Variants in RAB11FIP2 observed in about 807,000 individuals in gnomAD.
The protein encoded by RAB11FIP2 is RAB11 family interacting protein 2.
In RAB11FIP2, 16 loss-of-function variants were observed where a neutral mutation model predicts 40.9. The ratio of observed to expected loss-of-function variants is 0.39; its 90% CI spans 0.26 to 0.59. The LOEUF (loss-of-function observed/expected upper bound fraction) is 0.59, where lower values mean the gene tolerates loss of function less well. Among genes scored for constraint, RAB11FIP2 ranks in the 20% least tolerant of loss-of-function variants. The pLI, the probability that RAB11FIP2 is intolerant of heterozygous loss-of-function variation, is 0.53. For missense variants in RAB11FIP2, 532 were observed against 606.2 expected (o/e 0.88, Z 1.28); for synonymous variants, 228 against 213.7 (o/e 1.07, Z -0.58).
intron 4 of RAB11FIP2, among the ~76,000 whole-genome samples, chr10:118,010,619 C>A (rs1589636284): frequency 6.6e-6 from 1 of 152,002 alleles, no homozygotes; most frequent in South Asian, 2.1e-4. Context: ...AGTACAGATA[C>A]CAATTTGATG....
At chr10:118,030,427 T>G (rs917644945) in intron 3 of RAB11FIP2, among the ~76,000 whole-genome samples, 3 of 152,156 alleles carry the variant, frequency 2.0e-5, no homozygotes, top group Non-Finnish European at 2.9e-5. Context: ...GTCCAGTGCC[T>G]AAGAGCTCGT....
intron 4 of RAB11FIP2, among the ~76,000 whole-genome samples, chr10:118,010,261 C>T (rs1384856960): frequency 6.6e-6 from 1 of 151,892 alleles, no homozygotes; most frequent in Non-Finnish European, 1.5e-5. Flanking sequence ...CTCATTAAGC[C>T]CAACAATTTA....
chr10:118,020,154 G>A (rs1296319717), intron 3 of RAB11FIP2, among the ~76,000 whole-genome samples: 1 of 152,096 alleles, frequency 6.6e-6, no homozygotes, highest in African/African-American at 2.4e-5. Flanking sequence ...AACACAGTTA[G>A]TAAGTGGCCC....
rs181778356 is a variant in RAB11FIP2, at chr10:118,040,337, G to A, written c.582C>T (p.Pro194=). 5.6e-4 allele frequency: 896 copies of A among 1,613,738 alleles called. 8 individuals carry two copies. The Middle Eastern group carries it at 0.013, about 23-fold the overall frequency. The change falls in exon 2 of 5, where the codon CCC becomes CCT. Residue 194 remains proline (P), a synonymous_variant. Transcript: ENST00000355624. Reference sequence around the variant, plus strand: ...CACTTGAAAATTCACTATTGGCATCGGGCATGTGAGTACTTGGAATGATTG... The same window carrying A: ...CACTTGAAAATTCACTATTGGCATCAGGCATGTGAGTACTTGGAATGATTG... ...SSAIIPSTHM[P]DANSEFSSGE...
Position 118,008,657 on chromosome 10 carries a change from A to G in RAB11FIP2, c.*341T>C. On this transcript the variant is annotated 3_prime_UTR_variant, in exon 5 of 5. Transcript: ENST00000355624. ...GCCACAGGATCAATTCTGCTTTATG[A>G]AAAATCTATTCCTGAGGAACAACTC... is the stretch of plus-strand genomic sequence containing the variant. 1 of 215,808 alleles carries G rather than the reference A, an allele frequency of 4.6e-6. No homozygotes were observed. Among genetic ancestry groups the G allele is most frequent in the Non-Finnish European group, 9.4e-6 (1 of 106,568 alleles). 13.4% of individuals were successfully genotyped at this position (215,808 alleles called of 1,614,324 possible). A position where few individuals can be genotyped will look rare whatever the true frequency, so the allele number is the denominator to read the frequency against.
chr10:118,042,969 A>T (rs1458173870), intron 1 of RAB11FIP2, among the ~76,000 whole-genome samples: 1 of 152,218 alleles, frequency 6.6e-6, no homozygotes, highest in African/African-American at 2.4e-5. Context: ...CATTTCAGAG[A>T]TAGCATTTGT....
intron 3 of RAB11FIP2, among the ~76,000 whole-genome samples, chr10:118,030,943 T>TA (rs1846406132): frequency 6.6e-6 from 1 of 152,102 alleles, no homozygotes; most frequent in Non-Finnish European, 1.5e-5. Context: ...TAGTTAGTGT[T>TA]AAGGGAACTA....
intron 3 of RAB11FIP2, among the ~76,000 whole-genome samples, chr10:118,034,429 T>TG (rs1421945836): frequency 6.6e-6 from 1 of 152,048 alleles, no homozygotes; most frequent in Admixed American, 6.6e-5. Flanking sequence ...CACTTTTAAG[T>TG]GAAAAACAGC....
At chr10:118,009,533 A>C (rs1342282018) in intron 4 of RAB11FIP2, among the ~76,000 whole-genome samples, 1 of 152,160 alleles carries the variant, frequency 6.6e-6, no homozygotes, top group Non-Finnish European at 1.5e-5. Flanking sequence ...TTCTATAATA[A>C]ATACAACTAA....
intron 4 of RAB11FIP2, among the ~76,000 whole-genome samples, chr10:118,010,760 T>C (rs561432580): frequency 6.6e-6 from 1 of 152,144 alleles, no homozygotes; most frequent in Admixed American, 6.6e-5. Context: ...CTTCAAGAGT[T>C]TGCAGGCAGA....
intron 3 of RAB11FIP2, among the ~76,000 whole-genome samples, chr10:118,028,099 C>T (rs1373058763): frequency 6.6e-6 from 1 of 152,082 alleles, no homozygotes; most frequent in Non-Finnish European, 1.5e-5. Flanking sequence ...ATCCCCCATA[C>T]CTCTCCAGCC....
intron 3 of RAB11FIP2, among the ~76,000 whole-genome samples, chr10:118,023,664 A>G (rs1391433712): frequency 2.6e-5 from 4 of 152,190 alleles, no homozygotes; most frequent in Non-Finnish European, 5.9e-5. Context: ...ATTCAGACCT[A>G]GCTGCTTTTC....
At chr10:118,042,031 T>A (rs548598699) in intron 1 of RAB11FIP2, among the ~76,000 whole-genome samples, 2 of 152,120 alleles carry the variant, frequency 1.3e-5, no homozygotes, top group African/African-American at 4.8e-5. Flanking sequence ...AATTGAGCAC[T>A]CAAAAAGCCT....
At chr10:118,044,312 G>A (rs535309857) in intron 1 of RAB11FIP2, among the ~76,000 whole-genome samples, 11 of 152,174 alleles carry the variant, frequency 7.2e-5, no homozygotes, top group African/African-American at 1.7e-4. Flanking sequence ...AATGAAGTGA[G>A]GAATTTGAAG....
intron 3 of RAB11FIP2, among the ~76,000 whole-genome samples, chr10:118,028,069 C>T (rs1307949014): frequency 2.6e-5 from 4 of 152,108 alleles, no homozygotes; most frequent in Non-Finnish European, 5.9e-5. Context: ...CTCTCCATAG[C>T]TGGTGTGGCT....
At chr10:118,011,857 T>C (rs1013863849) in intron 4 of RAB11FIP2, among the ~76,000 whole-genome samples, 3 of 152,080 alleles carry the variant, frequency 2.0e-5, no homozygotes, top group Admixed American at 6.6e-5. Flanking sequence ...TACTGATTAG[T>C]TGACTGCTTT....
chr10:118,021,224 G>C (rs1846280495), intron 3 of RAB11FIP2, among the ~76,000 whole-genome samples: 1 of 152,166 alleles, frequency 6.6e-6, no homozygotes, highest in Non-Finnish European at 1.5e-5. Flanking sequence ...GTAAAATGGT[G>C]TAATTACTTC....
chr10:118,031,690 G>A (rs757378928), intron 3 of RAB11FIP2, among the ~76,000 whole-genome samples: 3 of 152,048 alleles, frequency 2.0e-5, no homozygotes, highest in Admixed American at 6.6e-5. Context: ...ACTATTTGGC[G>A]TGAGATCATC....
At chr10:118,035,727 T>C (rs1297780755) in intron 3 of RAB11FIP2, among the ~76,000 whole-genome samples, 2 of 152,006 alleles carry the variant, frequency 1.3e-5, no homozygotes, top group Non-Finnish European at 2.9e-5. Context: ...GCAAAAAAAG[T>C]GAGACTAAGC....
Sources: allele counts gnomAD v4.1 joint callset (sites outside exome capture counted in the v4.1 genomes callset), GRCh38; gene constraint gnomAD v4.1.1; transcripts MANE v1.5; gene names NCBI Gene and HGNC (gene_info 2026-07-23, HGNC 2026-07-21).